GALNT13: variants seen among roughly 807,000 people sequenced by gnomAD.
The protein encoded by GALNT13 is UDP-GalNAc:polypeptide N-acetylgalactosaminyltransferase 13.
In GALNT13, 28 loss-of-function variants were observed where a neutral mutation model predicts 64.2. The ratio of observed to expected loss-of-function variants is 0.44; its 90% CI spans 0.32 to 0.60. The LOEUF (loss-of-function observed/expected upper bound fraction) is 0.60, where lower values mean the gene tolerates loss of function less well. GALNT13 is among the 20% of genes least tolerant of loss of function. The pLI is 0.05. For missense variants in GALNT13, 577 were observed against 669.8 expected, an observed-to-expected ratio of 0.86 and a Z score of 1.53; for synonymous variants, 214 against 224.6, an observed-to-expected ratio of 0.95 and a Z score of 0.42.
chr2:154,448,931 T>G (rs1404397007), intron 12 of GALNT13, among the ~76,000 whole-genome samples: 1 of 151,966 alleles, frequency 6.6e-6, no homozygotes, highest in Non-Finnish European at 1.5e-5. Flanking sequence ...AAAGAGAATA[T>G]ATACATAAAA....
chr2:153,792,741 C>T, the GALNT13 span, among the ~76,000 whole-genome samples: 7 of 152,040 alleles, frequency 4.6e-5, no homozygotes, highest in African/African-American at 1.4e-4. Flanking sequence ...TAGAAATCCT[C>T]ATTTGTATTT....
At chr2:154,445,343 C>A (rs1701513175) in intron 12 of GALNT13, among the ~76,000 whole-genome samples, 1 of 151,302 alleles carries the variant, frequency 6.6e-6, no homozygotes, top group Non-Finnish European at 1.5e-5. Flanking sequence ...TGTTTTATGT[C>A]ATAAAAATAA....
At chr2:153,887,559 G>A (rs1687267872) in intron 1 of GALNT13, among the ~76,000 whole-genome samples, 1 of 151,516 alleles carries the variant, frequency 6.6e-6, no homozygotes, top group South Asian at 2.1e-4. Context: ...TGAAGGCAAA[G>A]GTGCATTCAT....
At chr2:153,941,155 C>A (rs924358356) in intron 2 of GALNT13, among the ~76,000 whole-genome samples, 1 of 152,060 alleles carries the variant, frequency 6.6e-6, no homozygotes. Context: ...GCCACCTTGC[C>A]TGGCTAATTT....
At chr2:154,246,042 TA>T (rs1187261015) in intron 7 of GALNT13, 60 bp downstream of exon 7, 1 of 1,148,202 alleles carries the variant, frequency 8.7e-7, no homozygotes, top group African/African-American at 1.6e-5. Flanking sequence ...AGGAATATTA[TA>T]GATTTCTGTT....
the GALNT13 span, among the ~76,000 whole-genome samples, chr2:153,746,711 G>A: frequency 6.6e-6 from 1 of 152,078 alleles, no homozygotes; most frequent in African/African-American, 2.4e-5. Context: ...AATAGGCAGG[G>A]CTTGAGAGTT....
At chr2:153,453,438 C>T in the GALNT13 span, among the ~76,000 whole-genome samples, 1 of 152,002 alleles carries the variant, frequency 6.6e-6, no homozygotes, top group Admixed American at 6.6e-5. Context: ...AATATATAAC[C>T]CCATTAAAAA....
the GALNT13 span, among the ~76,000 whole-genome samples, chr2:153,164,402 G>T: frequency 7.6e-4 from 116 of 152,010 alleles, 1 homozygote; most frequent in Admixed American, 6.4e-3. Flanking sequence ...GTTTTTTTGG[G>T]AGGTTCCTTG....
intron 3 of GALNT13, among the ~76,000 whole-genome samples, chr2:153,991,604 T>TA (rs1695161124): frequency 6.6e-6 from 1 of 152,098 alleles, no homozygotes; most frequent in Admixed American, 6.6e-5. Context: ...AGAATGAACT[T>TA]AGTGTAGGTA....
intron 4 of GALNT13, among the ~76,000 whole-genome samples, chr2:154,171,957 A>G (rs1299100145): frequency 7.2e-6 from 1 of 138,616 alleles, no homozygotes; most frequent in Non-Finnish European, 1.5e-5. Context: ...CAAAAATTAA[A>G]TCTTTCTTTC....
chr2:153,222,340 G>T, the GALNT13 span, among the ~76,000 whole-genome samples: 9 of 132,572 alleles, frequency 6.8e-5, no homozygotes, highest in South Asian at 2.5e-4. Context: ...GGTGGGGGGG[G>T]GGGTTGGGCT....
chr2:153,189,841 C>G, the GALNT13 span, among the ~76,000 whole-genome samples: 1 of 152,074 alleles, frequency 6.6e-6, no homozygotes, highest in East Asian at 1.9e-4. Flanking sequence ...TTTTGCATTT[C>G]CCTTATAATT....
At chr2:153,211,820 A>G in the GALNT13 span, among the ~76,000 whole-genome samples, 1 of 152,234 alleles carries the variant, frequency 6.6e-6, no homozygotes, top group Non-Finnish European at 1.5e-5. Flanking sequence ...AAACACTAAG[A>G]GTCCAACATG....
the GALNT13 span, among the ~76,000 whole-genome samples, chr2:153,182,877 A>G: frequency 6.6e-6 from 1 of 152,194 alleles, no homozygotes; most frequent in Admixed American, 6.5e-5. Flanking sequence ...GAGCATTTAC[A>G]TTGATTCCAT....
chr2:153,438,800 C>G, the GALNT13 span, among the ~76,000 whole-genome samples: 3 of 151,996 alleles, frequency 2.0e-5, no homozygotes, highest in Non-Finnish European at 4.4e-5. Context: ...GTAGTTTGAT[C>G]TTCTGAAGCC....
At chr2:154,421,684 C>T (rs799762) in intron 11 of GALNT13, among the ~76,000 whole-genome samples, 150,906 of 152,192 alleles carry the variant, frequency 0.99, 74,827 homozygotes, top group Middle Eastern at 1. Flanking sequence ...ACAAGAAATA[C>T]GTTTTCTAGG....
chr2:153,464,176 CA>C, the GALNT13 span, among the ~76,000 whole-genome samples: 4 of 151,972 alleles, frequency 2.6e-5, no homozygotes, highest in African/African-American at 9.7e-5. Context: ...AGAAACTGGA[CA>C]AAAATGAGCC....
intron 4 of GALNT13, among the ~76,000 whole-genome samples, chr2:154,154,906 G>C (rs1342621661): frequency 6.6e-6 from 1 of 150,646 alleles, no homozygotes; most frequent in Admixed American, 6.7e-5. Flanking sequence ...GTGACTAGGA[G>C]ATTTGTGGTT....
At chr2:153,233,750 A>G in the GALNT13 span, among the ~76,000 whole-genome samples, 1 of 152,194 alleles carries the variant, frequency 6.6e-6, no homozygotes, top group African/African-American at 2.4e-5. Context: ...TTAATTTGAA[A>G]GAGAAGATGG....
Sources: gnomAD v4.1 joint callset for allele counts (sites outside exome capture counted in the v4.1 genomes callset) on GRCh38, gnomAD v4.1.1 for gene constraint, MANE v1.5 for transcripts, NCBI Gene and HGNC (gene_info 2026-07-23, HGNC 2026-07-21) for gene names.